Variants in LMBR1 observed in about 807,000 individuals in gnomAD.
The protein encoded by LMBR1 is limb development membrane protein 1.
Under a neutral mutation model 73.9 loss-of-function variants are expected in LMBR1, and 52 were observed. The observed-to-expected ratio is 0.70, with a 90% confidence interval of 0.56 to 0.89. The LOEUF (loss-of-function observed/expected upper bound fraction) is 0.89. Ranked by LOEUF, LMBR1 falls within the 40% of genes least tolerant of loss-of-function variation. The pLI is 0.00. For missense variants in LMBR1, 539 were observed against 579.8 expected, an observed-to-expected ratio of 0.93 and a Z score of 0.72; for synonymous variants, 215 against 209.4, an observed-to-expected ratio of 1.03 and a Z score of -0.23.
chr7:156,853,928 T>C (rs1796588417), intron 1 of LMBR1, among the ~76,000 whole-genome samples: 1 of 149,930 alleles, frequency 6.7e-6, no homozygotes. Flanking sequence ...ATGCTGGGAT[T>C]ACAGGCATGT....
intron 4 of LMBR1, among the ~76,000 whole-genome samples, chr7:156,801,228 T>C (rs1441302163): frequency 6.6e-6 from 1 of 152,206 alleles, no homozygotes; most frequent in African/African-American, 2.4e-5. Context: ...ACTGTTGTCT[T>C]ATTTTAAGAA....
intron 5 of LMBR1, among the ~76,000 whole-genome samples, chr7:156,774,414 A>T (rs1825755025): frequency 1.3e-5 from 2 of 152,264 alleles, no homozygotes; most frequent in African/African-American, 4.8e-5. Flanking sequence ...ATATGCACTC[A>T]TATGTTCACT....
intron 4 of LMBR1, among the ~76,000 whole-genome samples, chr7:156,809,864 T>G (rs1832787925): frequency 6.6e-6 from 1 of 152,210 alleles, no homozygotes; most frequent in Non-Finnish European, 1.5e-5. Flanking sequence ...ACAGTTTTCC[T>G]CATGTTTCTT....
chr7:156,760,467 G>A (rs1455304890), intron 8 of LMBR1, among the ~76,000 whole-genome samples: 1 of 152,186 alleles, frequency 6.6e-6, no homozygotes, highest in African/African-American at 2.4e-5. Flanking sequence ...TGGTTTAGGA[G>A]CAGAGCATTA....
At chr7:156,756,764 G>GT (rs896071815) in intron 8 of LMBR1, among the ~76,000 whole-genome samples, 5 of 152,058 alleles carry the variant, frequency 3.3e-5, no homozygotes, top group African/African-American at 1.2e-4. Context: ...GAATTTTGGG[G>GT]TTTTTTAGTG....
At chr7:156,736,119 C>T (rs1392593308) in intron 9 of LMBR1, among the ~76,000 whole-genome samples, 8 of 152,186 alleles carry the variant, frequency 5.3e-5, no homozygotes, top group South Asian at 2.1e-4. Context: ...AGGAAGCAGA[C>T]GTCCTAATGG....
At chr7:156,809,275 C>A (rs940837921) in intron 4 of LMBR1, among the ~76,000 whole-genome samples, 2 of 152,186 alleles carry the variant, frequency 1.3e-5, no homozygotes, top group African/African-American at 4.8e-5. Context: ...GTATCTGACA[C>A]TATCACTATT....
In LMBR1 at chr7:156,670,507, TGAA is replaced by T. The variant is rs59634659; in HGVS notation, n.867-1223_867-1221del. Among the ~76,000 whole-genome samples, 676 of 152,294 alleles carry T rather than the reference TGAA, an allele frequency of 4.4e-3. 3 individuals carry two copies. The highest frequency in any genetic ancestry group is 0.024 in the Middle Eastern group (7 of 294). ...ACAAAGGCTAAGAATTTTCCAGATC[TGAA>T]GAAGATACAAGCCACAGATTTAAGA... On this transcript the variant is annotated intron_variant and non_coding_transcript_variant, in intron 4 of 4. Coordinates refer to the LMBR1 transcript ENST00000430825. This position sits in a 1 kb window ranked among gnomAD's most constrained non-coding sequence, Gnocchi z 4.3.
intron 15 of LMBR1, among the ~76,000 whole-genome samples, chr7:156,702,248 A>T (rs938103626): frequency 1.3e-5 from 2 of 152,220 alleles, no homozygotes; most frequent in East Asian, 3.8e-4. Flanking sequence ...ACAACAGTGT[A>T]AAAGTGTTCC....
chr7:156,808,476 A>C (rs917212104), intron 4 of LMBR1, among the ~76,000 whole-genome samples: 6 of 152,148 alleles, frequency 3.9e-5, no homozygotes, highest in African/African-American at 1.4e-4. Context: ...TTGTCTTTAC[A>C]GTGGGTATCC....
chr7:156,785,047 T>C (rs564359676), intron 5 of LMBR1, among the ~76,000 whole-genome samples: 2 of 152,316 alleles, frequency 1.3e-5, no homozygotes, highest in African/African-American at 2.4e-5. Flanking sequence ...ACATAAAATA[T>C]AAGTACACAC....
At chr7:156,752,606 GA>G (rs1821114395) in intron 9 of LMBR1, among the ~76,000 whole-genome samples, 1 of 152,152 alleles carries the variant, frequency 6.6e-6, no homozygotes, top group Non-Finnish European at 1.5e-5. Flanking sequence ...TGGCATGAAG[GA>G]AAAAGCTTGT....
intron 3 of LMBR1, among the ~76,000 whole-genome samples, chr7:156,829,481 C>T (rs1836286279): frequency 6.6e-6 from 1 of 152,182 alleles, no homozygotes; most frequent in African/African-American, 2.4e-5. Context: ...TCCTGATCTC[C>T]CTTCACCTTG....
At chr7:156,703,007 T>G (rs2132081037) in intron 15 of LMBR1, among the ~76,000 whole-genome samples, 1 of 152,302 alleles carries the variant, frequency 6.6e-6, no homozygotes, top group African/African-American at 2.4e-5. Flanking sequence ...TGGAAGAGTG[T>G]AAGTGAGTGT....
chr7:156,878,196 T>C (rs1800502825), intron 1 of LMBR1, among the ~76,000 whole-genome samples: 1 of 152,164 alleles, frequency 6.6e-6, no homozygotes, highest in African/African-American at 2.4e-5. Flanking sequence ...CTGGAAGTCC[T>C]AGCCACAGCA....
At chr7:156,696,701 C>T (rs577790543) in intron 15 of LMBR1, among the ~76,000 whole-genome samples, 1 of 152,142 alleles carries the variant, frequency 6.6e-6, no homozygotes, top group African/African-American at 2.4e-5. Context: ...GATTAAATTA[C>T]CTCCCACTGA....
At chr7:156,703,513 G>A (rs78444389) in intron 15 of LMBR1, among the ~76,000 whole-genome samples, 2,451 of 152,222 alleles carry the variant, frequency 0.016, 65 homozygotes, top group African/African-American at 0.054. Context: ...TGCCACAGTC[G>A]GAACAAGGGA....
At chr7:156,841,962 A>G (rs1443924320) in intron 1 of LMBR1, among the ~76,000 whole-genome samples, 1 of 140,512 alleles carries the variant, frequency 7.1e-6, no homozygotes, top group Non-Finnish European at 1.6e-5. Context: ...GCAATTGCTG[A>G]AGTTATGTGC....
chr7:156,750,048 T>C (rs909667089), intron 9 of LMBR1, among the ~76,000 whole-genome samples: 1 of 152,184 alleles, frequency 6.6e-6, no homozygotes, highest in Non-Finnish European at 1.5e-5. Context: ...ATCATGAAGA[T>C]GAAAATCGTA....
Sources: gnomAD v4.1 joint callset for allele counts (sites outside exome capture counted in the v4.1 genomes callset) on GRCh38, gnomAD v4.1.1 for gene constraint, Gnocchi (gnomAD v3.1) non-coding constraint, MANE v1.5 for transcripts, NCBI Gene and HGNC (gene_info 2026-07-23, HGNC 2026-07-21) for gene names.